Variants in LRRTM4 observed in about 807,000 individuals in gnomAD.
LRRTM4 encodes leucine rich repeat transmembrane neuronal 4.
LRRTM4 carries 25 observed loss-of-function variants against 47.6 expected under a neutral mutation model. That is an observed-to-expected ratio of 0.53 (90% CI 0.38 to 0.73). The LOEUF (loss-of-function observed/expected upper bound fraction) is 0.73. LRRTM4 is among the 30% of genes least tolerant of loss of function. LRRTM4 has a pLI of 0.00. For missense variants in LRRTM4, 638 were observed against 713.4 expected (o/e 0.89, Z 1.20); for synonymous variants, 311 against 269.5 (o/e 1.15, Z -1.51).
intron 3 of LRRTM4, among the ~76,000 whole-genome samples, chr2:77,415,360 A>G (rs1046188944): frequency 5.9e-5 from 9 of 152,132 alleles, no homozygotes; most frequent in African/African-American, 2.2e-4. Context: ...CTGCCAGTTG[A>G]AAGTTGCTTT....
intron 3 of LRRTM4, among the ~76,000 whole-genome samples, chr2:76,808,968 G>A (rs1670646941): frequency 6.6e-6 from 1 of 152,086 alleles, no homozygotes; most frequent in Non-Finnish European, 1.5e-5. Flanking sequence ...GCTGTGTTTT[G>A]TGTTTGTCAG....
chr2:76,825,562 GAAGC>G (rs2103873916), intron 3 of LRRTM4, among the ~76,000 whole-genome samples: 1 of 151,786 alleles, frequency 6.6e-6, no homozygotes, highest in South Asian at 2.1e-4. Flanking sequence ...GATAGCTATG[GAAGC>G]AAGTAAAAAA....
chr2:76,776,327 C>T (rs556576975), intron 3 of LRRTM4, among the ~76,000 whole-genome samples: 29 of 152,112 alleles, frequency 1.9e-4, no homozygotes, highest in African/African-American at 5.1e-4. Context: ...CCTGAGGAAT[C>T]GCCACACTGA....
chr2:76,837,147 T>C (rs763145521), intron 3 of LRRTM4, among the ~76,000 whole-genome samples: 10 of 152,112 alleles, frequency 6.6e-5, no homozygotes, highest in African/African-American at 9.7e-5. Context: ...TCCATTTCTG[T>C]TAGATTTTCT....
At chr2:77,172,601 A>T (rs895300585) in intron 3 of LRRTM4, among the ~76,000 whole-genome samples, 1 of 138,624 alleles carries the variant, frequency 7.2e-6, no homozygotes, top group African/African-American at 3.0e-5. Flanking sequence ...TCAAAAACAT[A>T]AAAAAAAAAA....
At chr2:76,781,279 A>C (rs1287258417) in intron 3 of LRRTM4, among the ~76,000 whole-genome samples, 1 of 152,228 alleles carries the variant, frequency 6.6e-6, no homozygotes, top group African/African-American at 2.4e-5. Flanking sequence ...GGTGGGCTCC[A>C]CCCAGTTCGA....
At chr2:77,265,891 C>A (rs905344967) in intron 3 of LRRTM4, among the ~76,000 whole-genome samples, 1 of 152,088 alleles carries the variant, frequency 6.6e-6, no homozygotes, top group Non-Finnish European at 1.5e-5. Flanking sequence ...TTTTACCTTA[C>A]AAAATAAATT....
At chr2:76,762,674 A>C (rs774458078) in intron 3 of LRRTM4, among the ~76,000 whole-genome samples, 3 of 152,182 alleles carry the variant, frequency 2.0e-5, no homozygotes, top group Non-Finnish European at 2.9e-5. Context: ...AGACTAATTA[A>C]GTAGGACAGG....
At chr2:77,261,561 A>C (rs1271037077) in intron 3 of LRRTM4, among the ~76,000 whole-genome samples, 1 of 152,028 alleles carries the variant, frequency 6.6e-6, no homozygotes, top group Non-Finnish European at 1.5e-5. Flanking sequence ...GATTGCATGA[A>C]GTCTTTATTA....
chr2:77,155,217 T>A (rs989572881), intron 3 of LRRTM4, among the ~76,000 whole-genome samples: 1 of 152,000 alleles, frequency 6.6e-6, no homozygotes, highest in Non-Finnish European at 1.5e-5. Context: ...TTTTATTTTC[T>A]ATTTTTTATA....
At chr2:76,801,492 T>C (rs1028307290) in intron 3 of LRRTM4, among the ~76,000 whole-genome samples, 4 of 151,744 alleles carry the variant, frequency 2.6e-5, no homozygotes, top group African/African-American at 9.7e-5. Flanking sequence ...GGAAGGAGAA[T>C]ATCACACTCT....
chr2:77,350,222 A>C (rs1671710409), intron 3 of LRRTM4, among the ~76,000 whole-genome samples: 1 of 148,136 alleles, frequency 6.8e-6, no homozygotes, highest in African/African-American at 2.5e-5. Flanking sequence ...GCTACTCGGG[A>C]GGCTGAGGCA....
chr2:76,826,377 G>C (rs62172146), intron 3 of LRRTM4, among the ~76,000 whole-genome samples: 1 of 151,072 alleles, frequency 6.6e-6, no homozygotes, highest in Non-Finnish European at 1.5e-5. Flanking sequence ...ATCTTAAATA[G>C]GTTATATAAA....
At chr2:77,356,174 A>G (rs1245705971) in intron 3 of LRRTM4, among the ~76,000 whole-genome samples, 1 of 152,202 alleles carries the variant, frequency 6.6e-6, no homozygotes, top group Non-Finnish European at 1.5e-5. Flanking sequence ...AGATTAATTG[A>G]AACATTAAAG....
chr2:77,050,665 T>C (rs1679401301), intron 3 of LRRTM4, among the ~76,000 whole-genome samples: 1 of 152,198 alleles, frequency 6.6e-6, no homozygotes. Context: ...TCTAAACATA[T>C]ATCTTGAATA....
At chr2:76,990,843 T>C (rs1676979841) in intron 3 of LRRTM4, among the ~76,000 whole-genome samples, 1 of 151,658 alleles carries the variant, frequency 6.6e-6, no homozygotes, top group Admixed American at 6.6e-5. Flanking sequence ...TCACAAAATA[T>C]ACATTAGTGT....
chr2:77,360,406 A>G (rs138926465), intron 3 of LRRTM4, among the ~76,000 whole-genome samples: 6,780 of 152,070 alleles, frequency 0.045, 336 homozygotes, highest in East Asian at 0.25. Flanking sequence ...GCAGTGAGCC[A>G]AGATCACGGC....
At chr2:77,107,818 CAAA>C (rs768875970) in intron 3 of LRRTM4, among the ~76,000 whole-genome samples, 15 of 57,894 alleles carry the variant, frequency 2.6e-4, no homozygotes, top group Non-Finnish European at 4.7e-4. Context: ...AAATCCAACT[CAAA>C]AAAAAAAAAA....
At chr2:77,344,609 A>G (rs1671494160) in intron 3 of LRRTM4, among the ~76,000 whole-genome samples, 1 of 151,954 alleles carries the variant, frequency 6.6e-6, no homozygotes, top group Admixed American at 6.6e-5. Context: ...AAGAAAGATT[A>G]TGATATGGAA....
Sources: allele counts gnomAD v4.1 joint callset (sites outside exome capture counted in the v4.1 genomes callset), GRCh38; gene constraint gnomAD v4.1.1; transcripts MANE v1.5; gene names NCBI Gene and HGNC (gene_info 2026-07-23, HGNC 2026-07-21).